Variants in ARNT2 observed in about 807,000 individuals in gnomAD.
The protein encoded by ARNT2 is aryl hydrocarbon receptor nuclear translocator 2.
ARNT2 carries 36 observed loss-of-function variants against 91.7 expected under a neutral mutation model. The observed-to-expected ratio is 0.39, with a 90% CI of 0.30 to 0.52. The LOEUF (loss-of-function observed/expected upper bound fraction) is 0.52. Among genes scored for constraint, ARNT2 ranks in the 20% least tolerant of loss-of-function variants. The pLI is 0.72. For synonymous variants in ARNT2, 365 were observed against 347.1 expected (o/e 1.05, Z -0.57); for missense variants, 775 against 939.3 (o/e 0.83, Z 2.29).
chr15:80,520,564 A>AT (rs1897526017), intron 8 of ARNT2, among the ~76,000 whole-genome samples: 1 of 152,000 alleles, frequency 6.6e-6, no homozygotes, highest in Non-Finnish European at 1.5e-5. Flanking sequence ...ACCACAAAAA[A>AT]AAATAAATAA....
chr15:80,426,004 T>C (rs1004318626), intron 1 of ARNT2, among the ~76,000 whole-genome samples: 1 of 151,098 alleles, frequency 6.6e-6, no homozygotes, highest in Non-Finnish European at 1.5e-5. Context: ...AAGGCTGCAG[T>C]GAGCTATGGT....
chr15:80,509,554 A>C (rs59735502), intron 6 of ARNT2, among the ~76,000 whole-genome samples: 56,008 of 152,016 alleles, frequency 0.37, 10,905 homozygotes, highest in African/African-American at 0.41. Flanking sequence ...AGTACCAAGT[A>C]AATATATGGA....
At chr15:80,576,483 G>A (rs12439123) in intron 14 of ARNT2, among the ~76,000 whole-genome samples, 1,915 of 152,146 alleles carry the variant, frequency 0.013, 34 homozygotes, top group African/African-American at 0.032. Flanking sequence ...CACCATGTTG[G>A]CCAGGCTGGT....
At chr15:80,447,885 A>T (rs1225175322) in intron 1 of ARNT2, among the ~76,000 whole-genome samples, 1 of 152,242 alleles carries the variant, frequency 6.6e-6, no homozygotes, top group African/African-American at 2.4e-5. Flanking sequence ...TACAAAAAAT[A>T]GCATTTGATA....
Position 80,524,831 on chromosome 15 carries a change from C to T in ARNT2, c.877+10426C>T, listed in dbSNP as rs142910418. On this transcript the variant is annotated intron_variant, in intron 8 of 18. Transcript: ENST00000303329. ...CAGAGCTTGCAGTGAGCAGAGATTG[C>T]GCCATTGCACTCCAGCCTGGGCGAC... Among the ~76,000 whole-genome samples the T allele has an allele frequency of 8.1e-4, 122 of 150,540 alleles. 1 individual carries two copies. The highest frequency in any genetic ancestry group is 6.9e-3 in the Middle Eastern group (2 of 288).
intron 11 of ARNT2, among the ~76,000 whole-genome samples, chr15:80,561,340 G>A (rs970972018): frequency 2.0e-5 from 3 of 152,122 alleles, no homozygotes; most frequent in African/African-American, 7.2e-5. Context: ...GCCTGTGGAG[G>A]GGAGAACTCC....
At chr15:80,537,940 T>G (rs763896561) in intron 8 of ARNT2, among the ~76,000 whole-genome samples, 9 of 152,202 alleles carry the variant, frequency 5.9e-5, no homozygotes, top group Admixed American at 6.5e-5. Flanking sequence ...CCTAATCCAG[T>G]ATGACTGATG....
chr15:80,492,714 G>A (rs967450102), intron 5 of ARNT2, among the ~76,000 whole-genome samples: 2 of 152,140 alleles, frequency 1.3e-5, no homozygotes, highest in Admixed American at 1.3e-4. Flanking sequence ...GTATGTGTGT[G>A]TGTGTGACCT....
At chr15:80,412,410 G>A (rs1402355288) in intron 1 of ARNT2, among the ~76,000 whole-genome samples, 1 of 152,030 alleles carries the variant, frequency 6.6e-6, no homozygotes, top group African/African-American at 2.4e-5. Flanking sequence ...TAAAAAATTT[G>A]GAAAATGCAC....
intron 1 of ARNT2, among the ~76,000 whole-genome samples, chr15:80,430,809 A>G (rs1895996731): frequency 6.6e-6 from 1 of 152,198 alleles, no homozygotes; most frequent in African/African-American, 2.4e-5. Context: ...GAACCCTGAC[A>G]GCAGTTGGGC....
intron 1 of ARNT2, among the ~76,000 whole-genome samples, chr15:80,426,528 T>C (rs1027964432): frequency 3.9e-4 from 59 of 152,328 alleles, no homozygotes; most frequent in African/African-American, 1.3e-3. Context: ...CCAAGGCTGC[T>C]GCATGGGAGC....
chr15:80,551,197 A>G lies in ARNT2; in HGVS notation c.878-2A>G. 6.2e-7 allele frequency: 1 copy of G among 1,613,472 alleles called. No individual in the cohort carries two copies. The highest frequency in any genetic ancestry group is 8.5e-7 in the Non-Finnish European group (1 of 1,179,484). On this transcript the variant is annotated splice_acceptor_variant, in intron 8 of 18. Coordinates refer to ENST00000303329, the MANE Select transcript of ARNT2 (RefSeq NM_014862.4). LOFTEE classifies it high-confidence loss of function. The stretch of plus-strand genomic sequence containing the variant: ...TGATGACACAGGTATTTCCCATTTC[A>G]GGAATGACCATACCTGAAGAAGACG...
At chr15:80,558,624 G>A (rs996678395) in intron 11 of ARNT2, among the ~76,000 whole-genome samples, 1 of 152,162 alleles carries the variant, frequency 6.6e-6, no homozygotes, top group Admixed American at 6.5e-5. Context: ...ACAGGCATGA[G>A]CTACCGTGCC....
chr15:80,582,217 G>A (rs1898811789), intron 17 of ARNT2, among the ~76,000 whole-genome samples: 1 of 152,038 alleles, frequency 6.6e-6, no homozygotes, highest in Non-Finnish European at 1.5e-5. Context: ...TGCAGGCAGG[G>A]CGCGGTGACT....
At chr15:80,532,711 C>T (rs1391230717) in intron 8 of ARNT2, among the ~76,000 whole-genome samples, 2 of 152,214 alleles carry the variant, frequency 1.3e-5, no homozygotes, top group African/African-American at 2.4e-5. Context: ...CCTTTCATAA[C>T]TGTCCTACTG....
intron 10 of ARNT2, among the ~76,000 whole-genome samples, chr15:80,553,662 A>G (rs921108333): frequency 2.6e-5 from 4 of 152,224 alleles, no homozygotes; most frequent in African/African-American, 4.8e-5. Flanking sequence ...TTGAATATAC[A>G]TAAAGGATAT....
At chr15:80,556,663 C>A (rs1898196095) in intron 11 of ARNT2, 1 of 152,360 alleles carries the variant, frequency 6.6e-6, no homozygotes, top group Non-Finnish European at 1.5e-5. Context: ...GTGTACCGAG[C>A]ACCTACTGTG....
chr15:80,470,435 C>T lies in ARNT2; in HGVS notation c.408+4C>T, dbSNP rs1896716908. 1.2e-6 allele frequency: 2 copies of T among 1,613,646 alleles called. No homozygotes were observed. Among genetic ancestry groups the T allele is most frequent in the African/African-American group, 2.7e-5 (2 of 74,904 alleles). On this transcript the variant is annotated splice_donor_region_variant and intron_variant, in intron 4 of 18. Coordinates refer to ENST00000303329, the MANE Select transcript of ARNT2 (RefSeq NM_014862.4). ...GCCTTCCTTCCTCACAGAGCAGGTA[C>T]CCTGGTCATCACATCACCATTGGAA...
intron 1 of ARNT2, among the ~76,000 whole-genome samples, chr15:80,415,470 G>C (rs1790109187): frequency 2.0e-5 from 3 of 152,188 alleles, no homozygotes; most frequent in Non-Finnish European, 4.4e-5. Context: ...GTTTCCAAAT[G>C]CAACAGGAGG....
Sources: allele counts gnomAD v4.1 joint callset (sites outside exome capture counted in the v4.1 genomes callset), GRCh38; gene constraint gnomAD v4.1.1; transcripts MANE v1.5; gene names NCBI Gene and HGNC (gene_info 2026-07-23, HGNC 2026-07-21).